PSMA3: variants seen among roughly 807,000 people sequenced by gnomAD.
PSMA3 encodes the protein proteasome 20S subunit alpha 3.
In PSMA3, 8 loss-of-function variants were observed where a neutral mutation model predicts 40.0. The observed-to-expected ratio is 0.20, with a 90% CI of 0.12 to 0.36. PSMA3 has a LOEUF of 0.36. PSMA3 is among the 10% of genes least tolerant of loss of function. The probability of loss-of-function intolerance (pLI) is 1.00; values close to 1 mark genes in which losing one functional copy is unlikely to be tolerated. For synonymous variants in PSMA3, 110 were observed against 100.0 expected, an observed-to-expected ratio of 1.10 and a Z score of -0.59; for missense variants, 219 against 310.6, an observed-to-expected ratio of 0.70 and a Z score of 2.22.
chr14:58,257,510 G>A (rs1315892091), intron 3 of PSMA3, among the ~76,000 whole-genome samples: 1 of 151,222 alleles, frequency 6.6e-6, no homozygotes, highest in African/African-American at 2.4e-5. Context: ...AAAAAAAAAA[G>A]GAAATGTCCT....
chr14:58,271,127 AACC>A, intron 10 of PSMA3, 129 bp downstream of exon 10: 3 of 507,506 alleles, frequency 5.9e-6, no homozygotes, highest in Non-Finnish European at 1.0e-5. Flanking sequence ...AAAATTCTCT[AACC>A]AAAATTATGT....
intron 2 of PSMA3, among the ~76,000 whole-genome samples, chr14:58,250,065 A>G (rs1889972768): frequency 6.6e-6 from 1 of 151,876 alleles, no homozygotes; most frequent in South Asian, 2.1e-4. Context: ...CTGAAAATAC[A>G]AAAAATTAGC....
chr14:58,259,029 G>A (rs749374943), intron 5 of PSMA3, among the ~76,000 whole-genome samples: 1 of 152,186 alleles, frequency 6.6e-6, no homozygotes, highest in Non-Finnish European at 1.5e-5. Context: ...CCTGGCTCAA[G>A]CGATGCTCCT....
At chr14:58,247,704 A>G (rs1403029968) in intron 1 of PSMA3, 46 bp from the exon 2 acceptor site, 2 of 1,308,664 alleles carry the variant, frequency 1.5e-6, no homozygotes, top group Non-Finnish European at 2.2e-6. Flanking sequence ...CTGTATGGTC[A>G]TTACTGCCAA....
Position 58,270,958 on chromosome 14 carries a change from T to C in PSMA3, c.683T>C (p.Val228Ala), listed in dbSNP as rs1226139725. The C allele has an allele frequency of 6.2e-7, 1 of 1,608,852 alleles. No individual in the cohort carries two copies. The highest frequency in any genetic ancestry group is 1.3e-5 in the African/African-American group (1 of 74,742). Residue 228 changes from valine (V) to alanine (A), a missense_variant, in exon 10 of 11, where the codon GTT becomes GCT. Physicochemically the swap from Val to Ala is moderately conservative, Grantham distance 64. Transcript: ENST00000216455. ...GELTNGRHEIVPKDIREEAEK... is the reference protein window; with the variant it reads ...GELTNGRHEIAPKDIREEAEK... ...GTAACTAATGGAAGACATGAAATTG[T>C]TCCAAAAGATATAAGAGAAGAAGCA... is the stretch of plus-strand genomic sequence containing the variant.
intron 2 of PSMA3, 51 bp from the exon 3 acceptor site, chr14:58,252,068 A>G: frequency 1.3e-6 from 2 of 1,544,776 alleles, no homozygotes; most frequent in Admixed American, 2.3e-5. Flanking sequence ...TAAGTTTATG[A>G]AGTTTCTTTT....
At chr14:58,269,318 C>T (rs1890541456) in intron 8 of PSMA3, among the ~76,000 whole-genome samples, 1 of 152,062 alleles carries the variant, frequency 6.6e-6, no homozygotes, top group African/African-American at 2.4e-5. Flanking sequence ...AATGTGAAGG[C>T]CAGGTTATGT....
At chr14:58,254,286 C>G (rs1890087719) in intron 3 of PSMA3, among the ~76,000 whole-genome samples, 1 of 87,326 alleles carries the variant, frequency 1.1e-5, no homozygotes, top group African/African-American at 4.1e-5. Context: ...ATCTTGTATT[C>G]TTTTATGTAC....
chr14:58,268,164 G>T (rs1425897242), intron 8 of PSMA3: 4 of 152,180 alleles, frequency 2.6e-5, no homozygotes. Context: ...AAAATTTTGT[G>T]ATTCTCTAGA....
At chr14:58,267,410 A>G (rs1410065583) in intron 7 of PSMA3, 64 bp from the exon 8 acceptor site, 1 of 1,400,284 alleles carries the variant, frequency 7.1e-7, no homozygotes, top group Non-Finnish European at 9.3e-7. Context: ...ATAAAAGTGA[A>G]AATAGTTATT....
At position 58,256,470 on chromosome 14, in the gene PSMA3, A is replaced by T. The variant is rs535221773; in HGVS notation, c.229-1275A>T. On this transcript the variant is annotated intron_variant, in intron 3 of 10. Coordinates refer to ENST00000216455, the MANE Select transcript of PSMA3 (RefSeq NM_002788.4). ...CGCTCTGTTGCCCAGGATGGAGTGC[A>T]GTGGCGCGATCTCGGCTCACTGCAA... 2.2e-4 allele frequency among the ~76,000 whole-genome samples: 32 copies of T among 145,004 alleles called. No homozygotes were observed. In the South Asian group the frequency reaches 4.6e-3, roughly 21 times the overall value.
intron 6 of PSMA3, among the ~76,000 whole-genome samples, chr14:58,261,563 A>G (rs1399131336): frequency 1.3e-5 from 2 of 152,160 alleles, no homozygotes; most frequent in East Asian, 3.9e-4. Flanking sequence ...TATAGTGCAT[A>G]TAGTATTTTG....
Position 58,268,302 on chromosome 14 carries a change from T to C in PSMA3, c.590+782T>C, listed in dbSNP as rs141776176. On this transcript the variant is annotated intron_variant, in intron 8 of 10. Transcript: ENST00000216455. ...AACTCTAAGTATTCCACATTAGAAC[T>C]ACATAAACAAGGTCTAGTCAATCAC... 5.1e-3 allele frequency among the ~76,000 whole-genome samples: 783 copies of C among 152,314 alleles called. 3 individuals carry two copies. Among genetic ancestry groups the C allele is most frequent in the Non-Finnish European group, 7.9e-3 (536 of 68,018 alleles).
chr14:58,254,101 T>C (rs781761406), intron 3 of PSMA3, among the ~76,000 whole-genome samples: 10 of 151,614 alleles, frequency 6.6e-5, no homozygotes, highest in Non-Finnish European at 1.3e-4. Flanking sequence ...TTCCTGTCTT[T>C]GTATCCATGA....
intron 8 of PSMA3, among the ~76,000 whole-genome samples, chr14:58,268,515 A>G (rs1890511560): frequency 6.6e-6 from 1 of 151,794 alleles, no homozygotes; most frequent in South Asian, 2.1e-4. Context: ...TCCTAGTTTC[A>G]GTTGTGAAGC....
chr14:58,262,096 A>ATT (rs1417711689), intron 6 of PSMA3, among the ~76,000 whole-genome samples: 2 of 151,836 alleles, frequency 1.3e-5, no homozygotes, highest in Non-Finnish European at 1.5e-5. Context: ...TGCCTGGTTA[A>ATT]TTTTTGTATT....
At chr14:58,269,054 C>T (rs1339302658) in intron 8 of PSMA3, among the ~76,000 whole-genome samples, 6 of 152,034 alleles carry the variant, frequency 3.9e-5, no homozygotes, top group African/African-American at 1.5e-4. Context: ...CCTGCATCAG[C>T]CTCTCAAGTA....
At chr14:58,254,799 C>T (rs1294479917) in intron 3 of PSMA3, among the ~76,000 whole-genome samples, 2 of 152,074 alleles carry the variant, frequency 1.3e-5, no homozygotes, top group East Asian at 1.9e-4. Flanking sequence ...GCATGGGTTA[C>T]CTTGGGGAAG....
At chr14:58,255,341 CACA>C (rs1890118578) in intron 3 of PSMA3, among the ~76,000 whole-genome samples, 2 of 152,252 alleles carry the variant, frequency 1.3e-5, no homozygotes, top group African/African-American at 4.8e-5. Context: ...CTGATTTTTG[CACA>C]GTACTTACTT....
Sources: gnomAD v4.1 joint callset for allele counts (sites outside exome capture counted in the v4.1 genomes callset) on GRCh38, gnomAD v4.1.1 for gene constraint, MANE v1.5 for transcripts, NCBI Gene and HGNC (gene_info 2026-07-23, HGNC 2026-07-21) for gene names.